Variants in FSTL4 observed in about 807,000 individuals in gnomAD.
FSTL4 encodes follistatin-related protein 4.
A neutral mutation model predicts 78.2 loss-of-function variants in FSTL4; 28 were observed. The ratio of observed to expected loss-of-function variants is 0.36; its 90% CI spans 0.27 to 0.49. The LOEUF (loss-of-function observed/expected upper bound fraction) is 0.49. FSTL4 is among the 20% of genes least tolerant of loss of function. FSTL4 has a pLI of 0.98. For synonymous variants in FSTL4, 422 were observed against 440.5 expected, an observed-to-expected ratio of 0.96 and a Z score of 0.53; for missense variants, 922 against 1,084.9, an observed-to-expected ratio of 0.85 and a Z score of 2.11.
chr5:133,458,603 T>G (rs201092664), intron 3 of FSTL4, among the ~76,000 whole-genome samples: 1 of 152,260 alleles, frequency 6.6e-6, no homozygotes, highest in Non-Finnish European at 1.5e-5. Context: ...CTTCTGCATC[T>G]GGCAAGCCAC....
intron 6 of FSTL4, among the ~76,000 whole-genome samples, chr5:133,280,588 A>G (rs1752986796): frequency 6.6e-6 from 1 of 152,184 alleles, no homozygotes; most frequent in African/African-American, 2.4e-5. Flanking sequence ...GATACTGACC[A>G]CAACTGGGAG....
the FSTL4 span, among the ~76,000 whole-genome samples, chr5:133,725,877 A>T: frequency 6.6e-6 from 1 of 152,298 alleles, no homozygotes; most frequent in Admixed American, 6.5e-5. Flanking sequence ...TAGGAAAAAC[A>T]AGAGGGCAGG....
At chr5:133,746,432 CA>C in the FSTL4 span, among the ~76,000 whole-genome samples, 123,320 of 151,712 alleles carry the variant, frequency 0.81, 50,598 homozygotes, top group East Asian at 0.95. Flanking sequence ...ACTTACAAAG[CA>C]AAAAAAAATG....
the FSTL4 span, among the ~76,000 whole-genome samples, chr5:133,696,492 C>A: frequency 4.8e-4 from 73 of 152,348 alleles, no homozygotes; most frequent in South Asian, 9.9e-3. Context: ...CCCCAGAGCC[C>A]TTTATCTGGG....
chr5:133,795,945 C>T, the FSTL4 span, among the ~76,000 whole-genome samples: 7 of 152,196 alleles, frequency 4.6e-5, 1 homozygote, highest in African/African-American at 1.7e-4. Flanking sequence ...GTCTCCCAAG[C>T]CCTGAAGACC....
chr5:133,771,603 AATTT>A, the FSTL4 span, among the ~76,000 whole-genome samples: 5 of 152,084 alleles, frequency 3.3e-5, no homozygotes, highest in Non-Finnish European at 4.4e-5. Flanking sequence ...AACTTTACTG[AATTT>A]ATTTATCAAA....
At chr5:133,787,935 A>C in the FSTL4 span, among the ~76,000 whole-genome samples, 1 of 152,190 alleles carries the variant, frequency 6.6e-6, no homozygotes, top group East Asian at 1.9e-4. Context: ...TTTATTATGC[A>C]CCTAGCATGG....
At chr5:133,801,852 C>T in the FSTL4 span, among the ~76,000 whole-genome samples, 2 of 152,344 alleles carry the variant, frequency 1.3e-5, no homozygotes, top group South Asian at 4.1e-4. Flanking sequence ...AGTGGAGACC[C>T]TCAGTCATTG....
chr5:133,519,943 T>C (rs1758941498), intron 3 of FSTL4, among the ~76,000 whole-genome samples: 1 of 152,156 alleles, frequency 6.6e-6, no homozygotes, highest in African/African-American at 2.4e-5. Context: ...TGAAATTACT[T>C]GGGATAAACA....
upstream of FSTL4, among the ~76,000 whole-genome samples, chr5:133,616,357 T>A (rs1265999300): frequency 2.2e-5 from 2 of 92,064 alleles, no homozygotes; most frequent in Non-Finnish European, 2.3e-5. Flanking sequence ...ATCTATCTAA[T>A]TTTAAAGGTG....
chr5:133,479,377 G>A (rs559978344), intron 3 of FSTL4, among the ~76,000 whole-genome samples: 1 of 152,376 alleles, frequency 6.6e-6, no homozygotes, highest in African/African-American at 2.4e-5. Context: ...CTATACCGAG[G>A]CCGTAAGACT....
At chr5:133,482,384 T>C (rs376378637) in intron 3 of FSTL4, among the ~76,000 whole-genome samples, 136 of 152,326 alleles carry the variant, frequency 8.9e-4, no homozygotes, top group South Asian at 8.9e-3. Flanking sequence ...CTGTTAAAAA[T>C]AATCAGGCTC....
At chr5:133,626,706 C>T in the FSTL4 span, among the ~76,000 whole-genome samples, 1 of 151,940 alleles carries the variant, frequency 6.6e-6, no homozygotes, top group Admixed American at 6.6e-5. Context: ...CTGTACCTTT[C>T]TATATGGATT....
At chr5:133,411,877 A>C (rs1756482988) in intron 3 of FSTL4, among the ~76,000 whole-genome samples, 1 of 152,202 alleles carries the variant, frequency 6.6e-6, no homozygotes, top group South Asian at 2.1e-4. Context: ...GACAGATGAT[A>C]AATATGCCAA....
the FSTL4 span, among the ~76,000 whole-genome samples, chr5:133,741,635 C>T: frequency 6.6e-6 from 1 of 152,288 alleles, no homozygotes; most frequent in East Asian, 1.9e-4. Flanking sequence ...CCAGAAAGCC[C>T]TAAGAGAACA....
rs1020129284 is a variant in FSTL4, at chr5:133,264,090, GGT to G, written c.728-14516_728-14515del. Among the ~76,000 whole-genome samples the G allele has an allele frequency of 3.9e-5, 6 of 152,210 alleles. No individual in the cohort carries two copies. The East Asian group carries it at 7.7e-4, about 20-fold the overall frequency. On this transcript the variant is annotated intron_variant, in intron 6 of 15. Transcript: ENST00000265342. ...TTTGGTTGTCACAACTTGGGGAGGG[GGT>G]GGTTTCTTACTGGCATCTGGTGGAC...
At chr5:133,810,530 G>C in the FSTL4 span, among the ~76,000 whole-genome samples, 1 of 152,136 alleles carries the variant, frequency 6.6e-6, no homozygotes, top group African/African-American at 2.4e-5. Context: ...TTAGGAGCAG[G>C]GGTTTAACAA....
At chr5:133,554,148 G>A (rs996026102) in intron 3 of FSTL4, among the ~76,000 whole-genome samples, 1 of 152,224 alleles carries the variant, frequency 6.6e-6, no homozygotes, top group South Asian at 2.1e-4. Context: ...CTTGCAAGGA[G>A]GGAATGGTCA....
At chr5:133,325,518 A>G (rs1273648916) in intron 4 of FSTL4, among the ~76,000 whole-genome samples, 1 of 152,182 alleles carries the variant, frequency 6.6e-6, no homozygotes, top group Non-Finnish European at 1.5e-5. Context: ...GAAAGAGCTC[A>G]GCTGCCACTG....
Sources: allele counts gnomAD v4.1 joint callset (sites outside exome capture counted in the v4.1 genomes callset), GRCh38; gene constraint gnomAD v4.1.1; transcripts MANE v1.5; gene names NCBI Gene and HGNC (gene_info 2026-07-23, HGNC 2026-07-21).